The following ZFR variants were observed in gnomAD, a reference collection of about 807,000 sequenced individuals.
ZFR encodes the protein zinc finger RNA-binding protein.
Under a neutral mutation model 130.7 loss-of-function variants are expected in ZFR, and 19 were observed. That is an observed-to-expected ratio of 0.15 (90% CI 0.10 to 0.21). ZFR has a LOEUF of 0.21. Ranked by LOEUF, ZFR falls within the 10% of genes least tolerant of loss-of-function variation. The pLI is 1.00. For synonymous variants in ZFR, 466 were observed against 456.9 expected (o/e 1.02, Z -0.25); for missense variants, 872 against 1,321.5 (o/e 0.66, Z 5.27).
intron 19 of ZFR, among the ~76,000 whole-genome samples, chr5:32,357,076 C>T (rs1752331846): frequency 6.6e-6 from 1 of 151,792 alleles, no homozygotes; most frequent in Non-Finnish European, 1.5e-5. Flanking sequence ...GCAACCTCGA[C>T]CTCCCTGGGC....
intron 2 of ZFR, among the ~76,000 whole-genome samples, chr5:32,421,740 T>C (rs62361574): frequency 2.0e-5 from 3 of 151,978 alleles, no homozygotes; most frequent in Non-Finnish European, 4.4e-5. Context: ...AAAAAAAACT[T>C]AGAACAGAGT....
intron 2 of ZFR, among the ~76,000 whole-genome samples, chr5:32,430,822 T>C (rs931683464): frequency 1.8e-4 from 28 of 152,332 alleles, no homozygotes; most frequent in African/African-American, 6.5e-4. Flanking sequence ...ACACCTGTAA[T>C]CCCAGCACTT....
intron 2 of ZFR, among the ~76,000 whole-genome samples, chr5:32,431,384 T>C (rs984341450): frequency 2.0e-5 from 3 of 152,226 alleles, no homozygotes; most frequent in East Asian, 1.9e-4. Context: ...TGACTAACTT[T>C]AGACTAAGTG....
chr5:32,374,476 C>A (rs1482059717), intron 17 of ZFR, among the ~76,000 whole-genome samples: 2 of 151,850 alleles, frequency 1.3e-5, no homozygotes, highest in African/African-American at 4.8e-5. Flanking sequence ...GCACTCCAGG[C>A]TGGGGTACAG....
rs1249555146 is a variant in ZFR, at chr5:32,377,242, T to C, written c.2835+1873A>G. ...TCTCTCTCTCTCTCTCTCCTCTCTC[T>C]CTTTCTTTCGAGACAGAATCTTGCT... On this transcript the variant is annotated intron_variant, in intron 17 of 19. Coordinates refer to ENST00000265069, the MANE Select transcript of ZFR (RefSeq NM_016107.5). Among the ~76,000 whole-genome samples, 11 of 151,356 alleles carry C rather than the reference T, an allele frequency of 7.3e-5. No homozygotes were observed. In the East Asian group the frequency reaches 2.2e-3, roughly 30 times the overall value.
intron 19 of ZFR, among the ~76,000 whole-genome samples, chr5:32,357,495 A>C (rs533328284): frequency 2.0e-5 from 3 of 152,216 alleles, no homozygotes; most frequent in African/African-American, 7.2e-5. Context: ...TGAACTCCTG[A>C]CCTCCGGAGA....
chr5:32,383,756 C>A (rs1450820372), intron 15 of ZFR: 1 of 456,566 alleles, frequency 2.2e-6, no homozygotes, highest in Non-Finnish European at 4.4e-6. Flanking sequence ...AGAGAGAATA[C>A]ATACCGTTAT....
Position 32,404,108 on chromosome 5 carries a change from TA to T in ZFR, c.1033-12del. 1 of 1,576,540 alleles carries T rather than the reference TA, an allele frequency of 6.3e-7. No individual in the cohort carries two copies. The highest frequency in any genetic ancestry group is 1.4e-5 in the African/African-American group (1 of 72,756). Reference sequence around the variant, plus strand: ...ATGTTCTTTATAAGTCTGTTTCAAATAAAAAGGAAACATTTTGCTTCACTAA... The same window carrying T: ...ATGTTCTTTATAAGTCTGTTTCAAATAAAAGGAAACATTTTGCTTCACTAA... On this transcript the variant is annotated splice_polypyrimidine_tract_variant and intron_variant, in intron 6 of 19. Coordinates refer to ENST00000265069, the MANE Select transcript of ZFR (RefSeq NM_016107.5).
intron 19 of ZFR, among the ~76,000 whole-genome samples, chr5:32,356,320 G>A (rs1421828444): frequency 1.3e-5 from 2 of 152,196 alleles, no homozygotes; most frequent in Non-Finnish European, 2.9e-5. Flanking sequence ...TAGACAGTAT[G>A]TAACTTAAGA....
rs1160475844 is a variant in ZFR, at chr5:32,355,386, T to A, written c.*374A>T. 1 of 155,668 alleles carries A rather than the reference T, an allele frequency of 6.4e-6. No individual in the cohort carries two copies. Among genetic ancestry groups the A allele is most frequent in the Non-Finnish European group, 1.4e-5 (1 of 70,608 alleles). The allele number at this position is 155,668 out of a possible 1,614,324, so 9.6% of individuals were successfully genotyped here. On this transcript the variant is annotated 3_prime_UTR_variant, in exon 20 of 20. Coordinates refer to ENST00000265069, the MANE Select transcript of ZFR (RefSeq NM_016107.5). ...CAAACAAAACCTCTAAATTAAAATA[T>A]CAAAATACACAGAGCAACTGAAGCA...
chr5:32,428,275 G>A (rs895315197), intron 2 of ZFR, among the ~76,000 whole-genome samples: 2 of 152,120 alleles, frequency 1.3e-5, no homozygotes. Flanking sequence ...TTAGCCAGGC[G>A]TGGTGGCACA....
chr5:32,386,464 T>C (rs1316222995), intron 14 of ZFR, among the ~76,000 whole-genome samples: 1 of 152,124 alleles, frequency 6.6e-6, no homozygotes, highest in Admixed American at 6.6e-5. Flanking sequence ...AGTTATGATA[T>C]ATTCCTTGGT....
At chr5:32,394,964 G>A (rs2111750031) in intron 11 of ZFR, among the ~76,000 whole-genome samples, 195 bp downstream of exon 11, 1 of 152,152 alleles carries the variant, frequency 6.6e-6, no homozygotes. Flanking sequence ...CTAATACCAA[G>A]GCCACAGTAA....
chr5:32,387,835 C>A (rs1397316480), intron 13 of ZFR, 136 bp from the exon 14 acceptor site: 1 of 783,728 alleles, frequency 1.3e-6, no homozygotes, highest in Non-Finnish European at 1.9e-6. Flanking sequence ...AGACATCCAG[C>A]ATTTTTAGAA....
intron 11 of ZFR, among the ~76,000 whole-genome samples, chr5:32,394,954 C>CT (rs1753267732): frequency 6.6e-6 from 1 of 152,124 alleles, no homozygotes; most frequent in Non-Finnish European, 1.5e-5. Flanking sequence ...ACATATAACT[C>CT]TAATACCAAG....
chr5:32,379,174 T>C lies in ZFR; in HGVS notation c.2776A>G (p.Ile926Val), dbSNP rs764342320. Reference sequence around the variant, plus strand: ...TGACAGAGGTCTCGAAGAATGCGTATGATAATCACACAGGACTGCAGACCA... The same window carrying C: ...TGACAGAGGTCTCGAAGAATGCGTACGATAATCACACAGGACTGCAGACCA... The part of the protein sequence containing the change: ...ANGLQSCVII[I>V]RILRDLCQRV... The change falls in exon 17 of 20, where the codon ATA (isoleucine) becomes GTA (valine). Residue 926 changes from isoleucine to valine, a missense_variant. This residue lies in a region of ZFR where 158 missense variants were observed against 264.0 expected (regional missense o/e 0.60). Coordinates refer to ENST00000265069, the MANE Select transcript of ZFR (RefSeq NM_016107.5). 1.9e-6 allele frequency: 3 copies of C among 1,613,886 alleles called. No homozygotes were observed. The highest frequency in any genetic ancestry group is 2.5e-6 in the Non-Finnish European group (3 of 1,179,970).
At chr5:32,370,313 G>GAGAA (rs1752636939) in intron 17 of ZFR, among the ~76,000 whole-genome samples, 1 of 7,150 alleles carries the variant, frequency 1.4e-4, no homozygotes, top group Non-Finnish European at 2.8e-4. Context: ...TGTGGGGGGA[G>GAGAA]AGAGAGAGAG....
At chr5:32,438,928 C>T (rs1159420921) in intron 2 of ZFR, among the ~76,000 whole-genome samples, 1 of 152,196 alleles carries the variant, frequency 6.6e-6, no homozygotes, top group Admixed American at 6.5e-5. Context: ...GAAGCTGATA[C>T]TTGGCCAGGG....
chr5:32,426,540 T>A (rs184357407), intron 2 of ZFR, among the ~76,000 whole-genome samples: 9 of 152,330 alleles, frequency 5.9e-5, no homozygotes, highest in African/African-American at 2.2e-4. Context: ...AGCTGCATGC[T>A]TTTACTGCTT....
Sources: allele counts gnomAD v4.1 joint callset (sites outside exome capture counted in the v4.1 genomes callset), GRCh38; gene constraint gnomAD v4.1.1; regional missense constraint gnomAD v4.1.1; transcripts MANE v1.5; gene names NCBI Gene and HGNC (gene_info 2026-07-23, HGNC 2026-07-21).